Variants in CTNNA2 observed in about 807,000 individuals in gnomAD.
The protein encoded by CTNNA2 is catenin alpha 2.
CTNNA2 carries 42 observed loss-of-function variants against 101.0 expected under a neutral mutation model. The observed-to-expected ratio is 0.42, with a 90% CI of 0.32 to 0.54. The LOEUF is 0.54. Ranked by LOEUF, CTNNA2 falls within the 20% of genes least tolerant of loss-of-function variation. The pLI, the probability that CTNNA2 is intolerant of heterozygous loss-of-function variation, is 0.14. For missense variants in CTNNA2, 871 were observed against 1,223.1 expected (o/e 0.71, Z 4.29); for synonymous variants, 450 against 456.4 (o/e 0.99, Z 0.18).
intron 9 of CTNNA2, among the ~76,000 whole-genome samples, chr2:80,458,091 C>T (rs915946654): frequency 6.6e-6 from 1 of 152,184 alleles, no homozygotes; most frequent in Non-Finnish European, 1.5e-5. Flanking sequence ...AGAGACTTAA[C>T]TAACAGCAGC....
chr2:79,261,705 A>G (rs1674924276), intron 2 of CTNNA2, among the ~76,000 whole-genome samples: 1 of 152,186 alleles, frequency 6.6e-6, no homozygotes, highest in Non-Finnish European at 1.5e-5. Context: ...CCCCATCCTT[A>G]TGATCTCATT....
At chr2:79,938,672 G>T (rs1687948822) in intron 7 of CTNNA2, among the ~76,000 whole-genome samples, 1 of 152,152 alleles carries the variant, frequency 6.6e-6, no homozygotes. Context: ...GATGGAGGTG[G>T]CTCCAAAGAG....
At chr2:80,323,950 A>T (rs1193135545) in intron 7 of CTNNA2, among the ~76,000 whole-genome samples, 2 of 152,158 alleles carry the variant, frequency 1.3e-5, no homozygotes, top group African/African-American at 2.4e-5. Context: ...CATAATGTTT[A>T]ATGACCTCTT....
At chr2:79,544,640 C>G (rs1451938313) in intron 1 of CTNNA2, among the ~76,000 whole-genome samples, 1 of 152,078 alleles carries the variant, frequency 6.6e-6, no homozygotes, top group Non-Finnish European at 1.5e-5. Context: ...GAGAATATGT[C>G]TAGCTTCAGA....
chr2:79,562,271 G>A (rs1316810973), intron 1 of CTNNA2, among the ~76,000 whole-genome samples: 2 of 152,032 alleles, frequency 1.3e-5, no homozygotes, highest in Non-Finnish European at 2.9e-5. Flanking sequence ...CAAAATGTCT[G>A]TGTGTCTATC....
chr2:79,395,923 A>G (rs1678224499), intron 4 of CTNNA2, among the ~76,000 whole-genome samples: 2 of 152,176 alleles, frequency 1.3e-5, no homozygotes, highest in African/African-American at 2.4e-5. Flanking sequence ...AACAATCTTA[A>G]CACAAAGACT....
At chr2:80,443,505 C>T (rs1016726246) in intron 9 of CTNNA2, among the ~76,000 whole-genome samples, 29 of 152,146 alleles carry the variant, frequency 1.9e-4, no homozygotes, top group African/African-American at 7.0e-4. Context: ...AGCTAACATT[C>T]ATGGCCTAAT....
chr2:80,495,260 C>G (rs1687359127), intron 9 of CTNNA2, among the ~76,000 whole-genome samples: 1 of 152,202 alleles, frequency 6.6e-6, no homozygotes, highest in East Asian at 1.9e-4. Flanking sequence ...TTAATACAAA[C>G]AACTGTCCTT....
At chr2:79,493,326 A>G (rs1671222802) in intron 4 of CTNNA2, among the ~76,000 whole-genome samples, 1 of 152,144 alleles carries the variant, frequency 6.6e-6, no homozygotes, top group African/African-American at 2.4e-5. Flanking sequence ...TAGTGACATA[A>G]TCTGGTATAT....
intron 4 of CTNNA2, among the ~76,000 whole-genome samples, chr2:79,472,729 C>T (rs901045652): frequency 2.0e-5 from 3 of 152,030 alleles, no homozygotes; most frequent in African/African-American, 4.8e-5. Flanking sequence ...TCACTTTTTG[C>T]GATACAGATG....
At chr2:79,220,198 G>GTA (rs1163789835) in intron 2 of CTNNA2, among the ~76,000 whole-genome samples, 3 of 152,142 alleles carry the variant, frequency 2.0e-5, no homozygotes, top group South Asian at 2.1e-4. Flanking sequence ...GTGTGTGTGT[G>GTA]TGTATATATA....
chr2:79,316,099 A>G (rs999595583), intron 3 of CTNNA2, among the ~76,000 whole-genome samples: 2 of 152,064 alleles, frequency 1.3e-5, no homozygotes, highest in Non-Finnish European at 2.9e-5. Flanking sequence ...TTTTACATTT[A>G]AGTTTATGAG....
rs747112292 is a variant in CTNNA2, at chr2:79,874,106, A to G, written c.616A>G (p.Met206Val). ...ELKDPHCRDEMAAARGALKKN... is the reference protein window; with the variant it reads ...ELKDPHCRDEVAAARGALKKN... ...GAAGGATCCTCACTGTCGGGATGAG[A>G]TGGCAGCCGCCCGAGGGGCTCTGAA... Residue 206 changes from methionine (M) to valine (V), a missense_variant, in exon 6 of 19, where the codon ATG (methionine) becomes GTG (valine). Physicochemically the swap from Met to Val is conservative, Grantham distance 21. Transcript: ENST00000402739. 1 of 1,614,160 alleles carries G rather than the reference A, an allele frequency of 6.2e-7. No homozygotes were observed. The highest frequency in any genetic ancestry group is 2.2e-5 in the East Asian group (1 of 44,868).
intron 4 of CTNNA2, among the ~76,000 whole-genome samples, chr2:79,476,641 C>T (rs1426053566): frequency 6.6e-6 from 1 of 152,184 alleles, no homozygotes; most frequent in African/African-American, 2.4e-5. Context: ...AACTTGACTT[C>T]TATCCCAACT....
chr2:79,474,337 GACAAAAACAACAAT>G (rs1207980944), intron 4 of CTNNA2, among the ~76,000 whole-genome samples: 1 of 152,032 alleles, frequency 6.6e-6, no homozygotes, highest in Non-Finnish European at 1.5e-5. Context: ...ATGAACTATT[GACAAAAACAACAAT>G]AAGAATAAAT....
At chr2:80,464,205 C>T (rs1381962955) in intron 9 of CTNNA2, among the ~76,000 whole-genome samples, 2 of 152,120 alleles carry the variant, frequency 1.3e-5, no homozygotes, top group African/African-American at 2.4e-5. Flanking sequence ...TCTATCTGTC[C>T]TGCATGAACC....
At chr2:79,715,840 C>A (rs900949285) in intron 2 of CTNNA2, among the ~76,000 whole-genome samples, 1 of 118,498 alleles carries the variant, frequency 8.4e-6, no homozygotes, top group Non-Finnish European at 1.8e-5. Context: ...AGGATAGATA[C>A]GTCTAATATC....
chr2:80,278,521 TA>T (rs1259578088), intron 7 of CTNNA2, among the ~76,000 whole-genome samples: 1 of 152,030 alleles, frequency 6.6e-6, no homozygotes, highest in African/African-American at 2.4e-5. Context: ...GTTCACATGG[TA>T]GGGGGGCAGG....
In CTNNA2 at chr2:80,197,113, G is replaced by C. The variant is rs563754654; in HGVS notation, c.1057-196098G>C. 1.3e-3 allele frequency among the ~76,000 whole-genome samples: 191 copies of C among 152,222 alleles called. 3 individuals are homozygous for C. The highest frequency in any genetic ancestry group is 4.4e-3 in the African/African-American group (183 of 41,520). On this transcript the variant is annotated intron_variant, in intron 7 of 18. Transcript: ENST00000402739. ...ATATGTTATTTCCTTGGTACACTCT[G>C]TTATTTTCCCAATGAGATCTCTATT...
Sources: gnomAD v4.1 joint callset for allele counts (sites outside exome capture counted in the v4.1 genomes callset) on GRCh38, gnomAD v4.1.1 for gene constraint, MANE v1.5 for transcripts, NCBI Gene and HGNC (gene_info 2026-07-23, HGNC 2026-07-21) for gene names.